ADGRL2: variants seen among roughly 807,000 people sequenced by gnomAD.
The protein encoded by ADGRL2 is adhesion G protein-coupled receptor L2.
Under a neutral mutation model 157.4 loss-of-function variants are expected in ADGRL2, and 44 were observed. The ratio of observed to expected loss-of-function variants is 0.28; its 90% CI spans 0.22 to 0.36. The LOEUF (loss-of-function observed/expected upper bound fraction) is 0.36, where lower values mean the gene tolerates loss of function less well. ADGRL2 is among the 10% of genes least tolerant of loss of function. The pLI, the probability that ADGRL2 is intolerant of heterozygous loss-of-function variation, is 1.00. For synonymous variants in ADGRL2, 585 were observed against 624.7 expected (o/e 0.94, Z 0.95); for missense variants, 1,510 against 1,768.9 (o/e 0.85, Z 2.63).
chr1:81,941,922 T>C, intron 4 of ADGRL2, 112 bp from the exon 5 acceptor site: 1 of 573,996 alleles, frequency 1.7e-6, no homozygotes, highest in Non-Finnish European at 3.2e-6. Context: ...ATTCTTCCTA[T>C]ATTTAGCATC....
chr1:81,372,713 A>G (rs973651908), intron 1 of ADGRL2, among the ~76,000 whole-genome samples: 4 of 152,332 alleles, frequency 2.6e-5, no homozygotes, highest in Non-Finnish European at 5.9e-5. Flanking sequence ...AATAATGTAC[A>G]TAACTAGGCA....
At chr1:81,537,608 A>G (rs1314128759) in intron 2 of ADGRL2, among the ~76,000 whole-genome samples, 1 of 152,084 alleles carries the variant, frequency 6.6e-6, no homozygotes, top group East Asian at 1.9e-4. Flanking sequence ...TCTAATGAAA[A>G]GCATTTTATC....
At chr1:81,594,661 A>G (rs540570506) in intron 3 of ADGRL2, among the ~76,000 whole-genome samples, 1 of 152,354 alleles carries the variant, frequency 6.6e-6, no homozygotes, top group South Asian at 2.1e-4. Context: ...ATCAGGTGAA[A>G]GATTGGTCTC....
intron 2 of ADGRL2, among the ~76,000 whole-genome samples, chr1:81,562,643 T>C (rs570806281): frequency 7.0e-4 from 106 of 152,214 alleles, no homozygotes; most frequent in Non-Finnish European, 1.2e-3. Context: ...ATTTAAAATT[T>C]TAGCAAATTT....
At chr1:81,760,251 G>GA (rs2085829727) in intron 1 of ADGRL2, among the ~76,000 whole-genome samples, 2 of 152,074 alleles carry the variant, frequency 1.3e-5, no homozygotes, top group African/African-American at 4.8e-5. Flanking sequence ...GGCTCATAGA[G>GA]AAATGAAAAG....
At chr1:81,854,012 T>C (rs926649110) in intron 2 of ADGRL2, among the ~76,000 whole-genome samples, 5 of 152,174 alleles carry the variant, frequency 3.3e-5, no homozygotes, top group African/African-American at 1.2e-4. Context: ...GTCATAAATA[T>C]ATTTTTAAAA....
At chr1:81,832,727 C>T (rs2092033888) in intron 1 of ADGRL2, among the ~76,000 whole-genome samples, 1 of 152,120 alleles carries the variant, frequency 6.6e-6, no homozygotes, top group African/African-American at 2.4e-5. Flanking sequence ...CAGCCCCAGC[C>T]CTATCCATGT....
chr1:81,447,046 T>C (rs1257359654), intron 2 of ADGRL2, among the ~76,000 whole-genome samples: 1 of 152,154 alleles, frequency 6.6e-6, no homozygotes, highest in Non-Finnish European at 1.5e-5. Context: ...CTAACCATAC[T>C]ATTATAATTT....
intron 2 of ADGRL2, among the ~76,000 whole-genome samples, chr1:81,469,794 T>C (rs770049786): frequency 7.2e-5 from 11 of 152,176 alleles, no homozygotes; most frequent in Non-Finnish European, 1.5e-4. Flanking sequence ...AAAATGCTAC[T>C]GTCAGACTTC....
chr1:81,730,241 G>C (rs911374823), intron 1 of ADGRL2, among the ~76,000 whole-genome samples: 3 of 152,084 alleles, frequency 2.0e-5, no homozygotes, highest in Admixed American at 2.0e-4. Flanking sequence ...TACCATTTTA[G>C]ATGTTTTACA....
intron 1 of ADGRL2, among the ~76,000 whole-genome samples, chr1:81,737,468 A>G (rs1306152736): frequency 6.6e-6 from 1 of 152,146 alleles, no homozygotes; most frequent in African/African-American, 2.4e-5. Context: ...ATCTGCCCCC[A>G]TGATCCAGTC....
At chr1:81,470,053 ATTGCTTT>A (rs2078139079) in intron 2 of ADGRL2, among the ~76,000 whole-genome samples, 3 of 152,164 alleles carry the variant, frequency 2.0e-5, no homozygotes, top group Admixed American at 6.5e-5. Flanking sequence ...AGTTCCTGGA[ATTGCTTT>A]AGGCCTTAGA....
intron 1 of ADGRL2, among the ~76,000 whole-genome samples, chr1:81,801,751 C>G (rs1571287582): frequency 6.6e-6 from 1 of 152,170 alleles, no homozygotes; most frequent in African/African-American, 2.4e-5. Flanking sequence ...AGGGGCTTCG[C>G]CTGACAAACT....
rs1456329694 is a variant in ADGRL2, at chr1:81,903,732, TTATATATACACATTA to T, written c.74-3263_74-3249del. 1.5e-4 allele frequency among the ~76,000 whole-genome samples: 22 copies of T among 143,888 alleles called. No homozygotes were observed. In the East Asian group the frequency reaches 3.3e-3, roughly 22 times the overall value. 94.4% of individuals were successfully genotyped at this position (143,888 alleles called of 152,430 possible). ...TATATTCATTATATATATATATACA[TTATATATACACATTA>T]TATATATACACATTATATATACACA... On this transcript the variant is annotated intron_variant, in intron 2 of 23. Transcript: ENST00000686636.
At chr1:81,906,938 A>ATGTCT in intron 2 of ADGRL2, 79 bp from the exon 3 acceptor site, 1 of 1,135,556 alleles carries the variant, frequency 8.8e-7, no homozygotes, top group Non-Finnish European at 1.3e-6. Flanking sequence ...CATGAATCAT[A>ATGTCT]TTACTTGAAA....
At chr1:81,466,975 G>T (rs1287993421) in intron 2 of ADGRL2, among the ~76,000 whole-genome samples, 1 of 151,668 alleles carries the variant, frequency 6.6e-6, no homozygotes, top group Non-Finnish European at 1.5e-5. Context: ...TAATGATAGT[G>T]CCGTCTTCCT....
At chr1:81,603,054 G>A (rs72935293) in intron 3 of ADGRL2, among the ~76,000 whole-genome samples, 83 of 152,274 alleles carry the variant, frequency 5.5e-4, no homozygotes, top group African/African-American at 1.9e-3. Context: ...CAGAGTCAAA[G>A]ACTAGATCAC....
chr1:81,952,898 C>T (rs976708217), intron 9 of ADGRL2, 89 bp from the exon 10 acceptor site: 19 of 1,043,994 alleles, frequency 1.8e-5, no homozygotes, highest in Non-Finnish European at 2.4e-5. Context: ...AGCTCTGGAA[C>T]ACCAGCTTAA....
chr1:81,480,876 CTTG>C (rs1439060498), intron 2 of ADGRL2, among the ~76,000 whole-genome samples: 4 of 152,138 alleles, frequency 2.6e-5, no homozygotes, highest in African/African-American at 9.7e-5. Context: ...TTAAATATTA[CTTG>C]TTGTGACAAT....
Sources: allele counts gnomAD v4.1 joint callset (sites outside exome capture counted in the v4.1 genomes callset), GRCh38; gene constraint gnomAD v4.1.1; transcripts MANE v1.5; gene names NCBI Gene and HGNC (gene_info 2026-07-23, HGNC 2026-07-21).